Variants in AMZ2 observed in about 807,000 individuals in gnomAD.
AMZ2 encodes archaelysin family metallopeptidase 2, also known as archaemetzincin-2.
Under a neutral mutation model 36.7 loss-of-function variants are expected in AMZ2, and 26 were observed. That is an observed-to-expected ratio of 0.71 (90% CI 0.52 to 0.98). AMZ2 has a LOEUF of 0.98. AMZ2 is among the 50% of genes least tolerant of loss of function. The pLI is 0.00. For synonymous variants in AMZ2, 144 were observed against 149.1 expected, an observed-to-expected ratio of 0.97 and a Z score of 0.25; for missense variants, 394 against 430.5, an observed-to-expected ratio of 0.92 and a Z score of 0.75.
chr17:68,227,858 T>C (rs564363417), intron 1 of AMZ2, among the ~76,000 whole-genome samples: 15 of 152,250 alleles, frequency 9.9e-5, no homozygotes, highest in African/African-American at 3.4e-4. Flanking sequence ...AGAAAAGAAC[T>C]GTATTTAGGG....
intron 1 of AMZ2, among the ~76,000 whole-genome samples, chr17:68,214,898 T>A (rs2073158090): frequency 6.6e-6 from 1 of 152,114 alleles, no homozygotes; most frequent in South Asian, 2.1e-4. Flanking sequence ...GTCCTCCTGC[T>A]TCAGTCCCGC....
intron 4 of AMZ2, among the ~76,000 whole-genome samples, chr17:68,253,193 A>C (rs76534493): frequency 0.014 from 2,124 of 152,356 alleles, 44 homozygotes; most frequent in African/African-American, 0.048. Flanking sequence ...ACTTGTGATA[A>C]AGGAATAGAT....
At chr17:68,214,543 CT>C in intron 1 of AMZ2, among the ~76,000 whole-genome samples, 2 of 152,254 alleles carry the variant, frequency 1.3e-5, no homozygotes, top group East Asian at 3.9e-4. Context: ...GAGACTAGAC[CT>C]TTGGCAGCTT....
chr17:68,221,541 A>AAC (rs111285526), intron 1 of AMZ2, among the ~76,000 whole-genome samples: 3,211 of 151,896 alleles, frequency 0.021, 119 homozygotes, highest in African/African-American at 0.072. Context: ...CATCCTGGCT[A>AAC]ACAGTGAAAC....
intron 4 of AMZ2, among the ~76,000 whole-genome samples, chr17:68,252,019 CCT>C (rs2074518640): frequency 6.6e-6 from 1 of 151,286 alleles, no homozygotes; most frequent in Admixed American, 6.6e-5. Context: ...ATATTTTTAA[CCT>C]TTTTTTTTTT....
At chr17:68,217,515 G>C (rs2073229670) in intron 1 of AMZ2, among the ~76,000 whole-genome samples, 1 of 152,124 alleles carries the variant, frequency 6.6e-6, no homozygotes, top group Non-Finnish European at 1.5e-5. Context: ...TTTAAACATA[G>C]TGATAATTAA....
intron 1 of AMZ2, among the ~76,000 whole-genome samples, chr17:68,242,036 A>T (rs58836469): frequency 2.0e-5 from 3 of 151,402 alleles, no homozygotes; most frequent in Non-Finnish European, 4.4e-5. Flanking sequence ...GAGCCATTGC[A>T]CCCGGTCCAT....
At chr17:68,213,146 G>A (rs984945971) in intron 1 of AMZ2, among the ~76,000 whole-genome samples, 3 of 152,010 alleles carry the variant, frequency 2.0e-5, no homozygotes, top group Non-Finnish European at 2.9e-5. Flanking sequence ...AAAAACATAC[G>A]CCAGCCGGCT....
At chr17:68,249,300 G>C (rs2190761) in intron 1 of AMZ2, 21 of 226,214 alleles carry the variant, frequency 9.3e-5, no homozygotes. Flanking sequence ...ATGTGGCACT[G>C]ATGAGTTAAT....
intron 1 of AMZ2, among the ~76,000 whole-genome samples, chr17:68,214,925 A>G (rs62087078): frequency 1.1e-5 from 1 of 90,360 alleles, no homozygotes; most frequent in African/African-American, 3.4e-5. Context: ...CTGGGACTAC[A>G]GGTGTGTGAC....
At chr17:68,217,010 G>C (rs1458636772) in intron 1 of AMZ2, among the ~76,000 whole-genome samples, 1 of 150,616 alleles carries the variant, frequency 6.6e-6, no homozygotes, top group Non-Finnish European at 1.5e-5. Context: ...TCCAGCCTGG[G>C]CGACAGAGCG....
chr17:68,222,850 G>C (rs1170040912), intron 1 of AMZ2, among the ~76,000 whole-genome samples: 2 of 152,208 alleles, frequency 1.3e-5, no homozygotes, highest in Non-Finnish European at 2.9e-5. Context: ...ACCTCCTGCT[G>C]TGTGGCCCAG....
chr17:68,213,025 C>A (rs1314281218), intron 1 of AMZ2, among the ~76,000 whole-genome samples: 1 of 152,278 alleles, frequency 6.6e-6, no homozygotes, highest in East Asian at 1.9e-4. Flanking sequence ...ATCTAACAAG[C>A]TTTATTTTTT....
At chr17:68,217,126 G>C (rs1298171032) in intron 1 of AMZ2, among the ~76,000 whole-genome samples, 2 of 151,850 alleles carry the variant, frequency 1.3e-5, no homozygotes, top group Non-Finnish European at 2.9e-5. Context: ...TCTGTTTCCT[G>C]ATATATCAGT....
intron 1 of AMZ2, among the ~76,000 whole-genome samples, chr17:68,224,811 G>T (rs7216825): frequency 0.36 from 53,758 of 150,820 alleles, 10,645 homozygotes; most frequent in African/African-American, 0.54. Context: ...TTTTTTGCCT[G>T]CCTTCTTTCC....
intron 1 of AMZ2, chr17:68,206,289 T>TC: frequency 1.8e-6 from 2 of 1,141,274 alleles, no homozygotes; most frequent in Non-Finnish European, 2.1e-6. Context: ...TCCTCTGCCC[T>TC]CCCCCCTTGC....
intron 1 of AMZ2, 93 bp from the exon 2 acceptor site, chr17:68,250,095 T>C (rs1383248005): frequency 3.7e-6 from 5 of 1,356,830 alleles, no homozygotes; most frequent in Non-Finnish European, 5.0e-6. Flanking sequence ...CATTTCACTC[T>C]AGGGAGAAAT....
In AMZ2 at chr17:68,235,922, C is replaced by T. The variant is rs1352546189; in HGVS notation, c.-66-12718C>T. On this transcript the variant is annotated intron_variant, in intron 1 of 7. Transcript: ENST00000674770. The surrounding 1 kb of genome is among the most constrained non-coding windows in gnomAD (Gnocchi z 4.2). The stretch of plus-strand genomic sequence containing the variant: ...TTGGCTCACTGCAACCTCCATCTCC[C>T]GGGCTCAAGCGATTCTCCTGCCTCA... Among the ~76,000 whole-genome samples, 4 of 152,048 alleles carry T rather than the reference C, an allele frequency of 2.6e-5. No homozygotes were observed. The highest frequency in any genetic ancestry group is 5.9e-5 in the Non-Finnish European group (4 of 67,994).
Position 68,250,540 on chromosome 17 carries a change from T to C in AMZ2, c.283+70T>C, listed in dbSNP as rs2074375721. ...CGCTCTTGTCAGGAATAGTCCAGGCTATGGGTCTGATTCAGATGGGCCGTT... is the reference window on the plus strand; with the variant it reads ...CGCTCTTGTCAGGAATAGTCCAGGCCATGGGTCTGATTCAGATGGGCCGTT... On this transcript the variant is annotated intron_variant, in intron 2 of 6. Coordinates refer to ENST00000359904, the MANE Select transcript of AMZ2 (RefSeq NM_016627.5). 9.2e-5 allele frequency: 143 copies of C among 1,548,208 alleles called. No individual in the cohort carries two copies. The South Asian group carries it at 1.7e-3, about 19-fold the overall frequency.
Sources: allele counts gnomAD v4.1 joint callset (sites outside exome capture counted in the v4.1 genomes callset), GRCh38; gene constraint gnomAD v4.1.1; non-coding constraint Gnocchi (gnomAD v3.1); transcripts MANE v1.5; gene names NCBI Gene and HGNC (gene_info 2026-07-23, HGNC 2026-07-21).